The following PRMT3 variants were observed in gnomAD, a reference collection of about 807,000 sequenced individuals.
PRMT3 encodes the protein protein arginine methyltransferase 3.
A neutral mutation model predicts 71.9 loss-of-function variants in PRMT3; 62 were observed. That is an observed-to-expected ratio of 0.86 (90% CI 0.70 to 1.07). The LOEUF is 1.07. Among genes scored for constraint, PRMT3 ranks in the 50% least tolerant of loss-of-function variants. The pLI is 0.00. For synonymous variants in PRMT3, 213 were observed against 220.4 expected, an observed-to-expected ratio of 0.97 and a Z score of 0.30; for missense variants, 663 against 643.0, an observed-to-expected ratio of 1.03 and a Z score of -0.34.
chr11:20,441,501 G>T (rs967029388), intron 10 of PRMT3, among the ~76,000 whole-genome samples: 4 of 151,624 alleles, frequency 2.6e-5, no homozygotes, highest in African/African-American at 4.8e-5. Flanking sequence ...TAGAGACGGG[G>T]TTTCACCATG....
intron 10 of PRMT3, among the ~76,000 whole-genome samples, chr11:20,439,964 C>G (rs2133370399): frequency 6.6e-6 from 1 of 152,194 alleles, no homozygotes; most frequent in Middle Eastern, 3.4e-3. Flanking sequence ...CATAAGGTCA[C>G]TTGATTTGTG....
rs2133352530 is a variant in PRMT3, at chr11:20,426,817, A to G, written c.945A>G (p.Glu315=). The change falls in exon 10 of 16, where the codon GAA becomes GAG. Residue 315 remains glutamate (E), a synonymous_variant. Coordinates refer to ENST00000331079, the MANE Select transcript of PRMT3 (RefSeq NM_005788.4). ...CACTAATTAAAGGAAAGATTGAAGA[A>G]GTTCATCTTCCTGTAGAAAAAGTAG... ...TITLIKGKIE[E]VHLPVEKVDV... 3 of 1,528,374 alleles carry G rather than the reference A, an allele frequency of 2.0e-6. No homozygotes were observed. The African/African-American group carries it at 4.3e-5, about 22-fold the overall frequency. The allele number at this position is 1,528,374 out of a possible 1,614,324, so 94.7% of individuals were successfully genotyped here. A position where few individuals can be genotyped will look rare whatever the true frequency, so the allele number is the denominator to read the frequency against.
intron 5 of PRMT3, among the ~76,000 whole-genome samples, chr11:20,394,517 T>C (rs1056991227): frequency 1.3e-5 from 2 of 152,172 alleles, no homozygotes; most frequent in African/African-American, 4.8e-5. Context: ...TACAATGTGA[T>C]GATTTGATAT....
intron 10 of PRMT3, among the ~76,000 whole-genome samples, chr11:20,437,390 G>A (rs1849783229): frequency 6.6e-6 from 1 of 152,134 alleles, no homozygotes; most frequent in South Asian, 2.1e-4. Flanking sequence ...TGGAGCAGTT[G>A]CCTTTTCTAG....
intron 13 of PRMT3, among the ~76,000 whole-genome samples, chr11:20,471,769 T>C (rs146313601): frequency 0.077 from 11,662 of 152,268 alleles, 546 homozygotes; most frequent in East Asian, 0.2. Flanking sequence ...GGAATAGCAT[T>C]GAATCTATAC....
At chr11:20,392,382 TGGG>T in intron 4 of PRMT3, 122 bp downstream of exon 4, 1 of 1,043,076 alleles carries the variant, frequency 9.6e-7, no homozygotes, top group South Asian at 1.8e-5. Flanking sequence ...CTCATCATAT[TGGG>T]GGAATCACGG....
At chr11:20,485,661 T>G (rs542871659) in intron 13 of PRMT3, among the ~76,000 whole-genome samples, 134 of 152,094 alleles carry the variant, frequency 8.8e-4, no homozygotes, top group Non-Finnish European at 1.6e-3. Context: ...CATGCAAGAA[T>G]GAGACAGAGG....
At chr11:20,426,057 A>G (rs1434326059) in intron 9 of PRMT3, among the ~76,000 whole-genome samples, 2 of 152,228 alleles carry the variant, frequency 1.3e-5, no homozygotes, top group African/African-American at 4.8e-5. Flanking sequence ...ATTACAGAAG[A>G]AGGGGAAATA....
At chr11:20,436,027 A>G (rs551064765) in intron 10 of PRMT3, among the ~76,000 whole-genome samples, 49 of 152,286 alleles carry the variant, frequency 3.2e-4, no homozygotes, top group Admixed American at 2.2e-3. Flanking sequence ...CATTGTAGAG[A>G]TCTTTCAACT....
At chr11:20,493,290 CA>C (rs1216017679) in intron 13 of PRMT3, among the ~76,000 whole-genome samples, 3 of 151,780 alleles carry the variant, frequency 2.0e-5, no homozygotes, top group Non-Finnish European at 2.9e-5. Flanking sequence ...TATTTCATCA[CA>C]AAAATATTCA....
intron 9 of PRMT3, among the ~76,000 whole-genome samples, chr11:20,410,785 A>G (rs1457126603): frequency 1.3e-5 from 2 of 152,104 alleles, no homozygotes; most frequent in African/African-American, 2.4e-5. Context: ...ATTTGCATCT[A>G]TTAGTATTTT....
intron 7 of PRMT3, among the ~76,000 whole-genome samples, chr11:20,401,656 A>G (rs1848952302): frequency 6.6e-6 from 1 of 152,188 alleles, no homozygotes; most frequent in Non-Finnish European, 1.5e-5. Context: ...GAAACTTAAA[A>G]CTAGAATTCC....
intron 9 of PRMT3, among the ~76,000 whole-genome samples, chr11:20,417,135 C>T (rs144559461): frequency 6.6e-6 from 1 of 152,212 alleles, no homozygotes; most frequent in African/African-American, 2.4e-5. Context: ...ACAGGTTTAC[C>T]AATATAATTT....
chr11:20,442,981 G>A (rs1849943317), intron 10 of PRMT3, among the ~76,000 whole-genome samples: 1 of 152,186 alleles, frequency 6.6e-6, no homozygotes, highest in African/African-American at 2.4e-5. Flanking sequence ...AAGATTGCTT[G>A]AGGCCAGTTC....
chr11:20,491,740 A>T (rs1851212521), intron 13 of PRMT3, among the ~76,000 whole-genome samples: 1 of 152,106 alleles, frequency 6.6e-6, no homozygotes, highest in South Asian at 2.1e-4. Flanking sequence ...CAGTGATTCA[A>T]ATTTTAGTTC....
At chr11:20,457,337 T>C (rs1850288361) in intron 11 of PRMT3, among the ~76,000 whole-genome samples, 1 of 152,184 alleles carries the variant, frequency 6.6e-6, no homozygotes, top group Non-Finnish European at 1.5e-5. Context: ...TTGAAAAGCA[T>C]TAAAATGTGG....
intron 13 of PRMT3, among the ~76,000 whole-genome samples, chr11:20,484,938 T>C (rs1851035850): frequency 6.6e-6 from 1 of 152,186 alleles, no homozygotes. Flanking sequence ...AGACTAACAA[T>C]TGGGGCTGCT....
chr11:20,462,300 A>C, intron 12 of PRMT3, 133 bp downstream of exon 12: 1 of 640,816 alleles, frequency 1.6e-6, no homozygotes, highest in Non-Finnish European at 2.5e-6. Context: ...AGTCTAAAAC[A>C]AATTGAGGTC....
intron 10 of PRMT3, among the ~76,000 whole-genome samples, chr11:20,449,328 T>C (rs1850098506): frequency 6.6e-6 from 1 of 152,198 alleles, no homozygotes; most frequent in South Asian, 2.1e-4. Flanking sequence ...ACACCTGTTG[T>C]AAATTCTAAT....
Sources: allele counts gnomAD v4.1 joint callset (sites outside exome capture counted in the v4.1 genomes callset), GRCh38; gene constraint gnomAD v4.1.1; transcripts MANE v1.5; gene names NCBI Gene and HGNC (gene_info 2026-07-23, HGNC 2026-07-21).